Variants in ERC2 observed in about 807,000 individuals in gnomAD.
ERC2 encodes the protein ELKS/RAB6-interacting/CAST family member 2, also known as ERC protein 2.
Under a neutral mutation model 114.8 loss-of-function variants are expected in ERC2, and 42 were observed. That is an observed-to-expected ratio of 0.37 (90% confidence interval 0.29 to 0.47). The LOEUF (loss-of-function observed/expected upper bound fraction) is 0.47, where lower values mean the gene tolerates loss of function less well. Among genes scored for constraint, ERC2 ranks in the 20% least tolerant of loss-of-function variants. The probability of loss-of-function intolerance (pLI) is 0.99; values close to 1 mark genes in which losing one functional copy is unlikely to be tolerated. For missense variants in ERC2, 939 were observed against 1,150.7 expected, an observed-to-expected ratio of 0.82 and a Z score of 2.66; for synonymous variants, 454 against 425.5, an observed-to-expected ratio of 1.07 and a Z score of -0.82.
At chr3:56,431,665 GA>G (rs2061794469) in intron 2 of ERC2, among the ~76,000 whole-genome samples, 2 of 152,104 alleles carry the variant, frequency 1.3e-5, no homozygotes, top group African/African-American at 4.8e-5. Flanking sequence ...CTTCCAAAAA[GA>G]GAAGACAGTT....
intron 13 of ERC2, among the ~76,000 whole-genome samples, chr3:55,925,866 G>GT (rs2065716979): frequency 6.6e-6 from 1 of 152,170 alleles, no homozygotes; most frequent in Non-Finnish European, 1.5e-5. Flanking sequence ...TGTTTTGCCT[G>GT]TAAAATACAC....
chr3:56,442,122 CA>C (rs1383989551), intron 1 of ERC2, among the ~76,000 whole-genome samples: 2 of 152,178 alleles, frequency 1.3e-5, no homozygotes, highest in Non-Finnish European at 2.9e-5. Flanking sequence ...CAACATATCC[CA>C]AAAGCCACCA....
At chr3:56,131,955 T>C (rs915023543) in intron 6 of ERC2, among the ~76,000 whole-genome samples, 2 of 152,248 alleles carry the variant, frequency 1.3e-5, no homozygotes, top group Admixed American at 1.3e-4. Context: ...CCCATAAATA[T>C]GTACAATTAT....
intron 17 of ERC2, among the ~76,000 whole-genome samples, chr3:55,577,207 G>A (rs2057029048): frequency 6.6e-6 from 1 of 151,834 alleles, no homozygotes; most frequent in Non-Finnish European, 1.5e-5. Flanking sequence ...TTTAAGACAG[G>A]TCTGCATTCC....
chr3:55,632,018 G>T (rs1231440746), intron 17 of ERC2, among the ~76,000 whole-genome samples: 1 of 152,204 alleles, frequency 6.6e-6, no homozygotes, highest in East Asian at 1.9e-4. Flanking sequence ...GCTAATAAAT[G>T]GAGGAACTGC....
intron 17 of ERC2, among the ~76,000 whole-genome samples, chr3:55,665,612 C>T (rs940235510): frequency 6.6e-5 from 10 of 152,120 alleles, no homozygotes; most frequent in Non-Finnish European, 1.3e-4. Context: ...TGCCACCAAA[C>T]CACCAGAAAC....
intron 4 of ERC2, among the ~76,000 whole-genome samples, chr3:56,171,692 CAACA>C (rs1453471040): frequency 6.6e-6 from 1 of 151,756 alleles, no homozygotes; most frequent in Admixed American, 6.6e-5. Flanking sequence ...ATGCTAAAAA[CAACA>C]AACTAGGATC....
rs370966696 is a variant in ERC2 at position 56,173,537 on chromosome 3, T to C, written c.1075-17A>G. ...GTGCAATTCCTGGGGAGGAACACGA[T>C]AGAAATAAGCCTGACGGTTCATCCT... On this transcript the variant is annotated splice_polypyrimidine_tract_variant and intron_variant, in intron 3 of 17. Transcript: ENST00000288221. 5 of 1,612,924 alleles carry C rather than the reference T, an allele frequency of 3.1e-6. No homozygotes were observed. Among genetic ancestry groups the C allele is most frequent in the East Asian group, 2.2e-5 (1 of 44,844 alleles).
intron 17 of ERC2, among the ~76,000 whole-genome samples, chr3:55,569,354 G>A (rs1190664578): frequency 6.6e-6 from 1 of 152,172 alleles, no homozygotes; most frequent in Non-Finnish European, 1.5e-5. Flanking sequence ...CATTCCGATG[G>A]CATGTTTAAG....
intron 4 of ERC2, among the ~76,000 whole-genome samples, chr3:56,160,128 G>A (rs964694788): frequency 5.9e-5 from 9 of 152,212 alleles, no homozygotes; most frequent in Admixed American, 1.3e-4. Context: ...GTGTATAAGC[G>A]TTTCCATTTC....
chr3:56,298,170 A>G (rs1335162396), intron 2 of ERC2, among the ~76,000 whole-genome samples: 2 of 152,200 alleles, frequency 1.3e-5, no homozygotes, highest in African/African-American at 4.8e-5. Context: ...TTTAGCAGTC[A>G]TTCCCCATCT....
intron 6 of ERC2, among the ~76,000 whole-genome samples, chr3:56,133,075 C>A (rs2080298271): frequency 6.6e-6 from 1 of 152,280 alleles, no homozygotes; most frequent in East Asian, 1.9e-4. Flanking sequence ...GCCTAGAAAG[C>A]ATTCTTGAAA....
chr3:56,075,069 C>A lies in ERC2; in HGVS notation c.1641+5748G>T, dbSNP rs573777482. Among the ~76,000 whole-genome samples, 5 of 152,268 alleles carry A rather than the reference C, an allele frequency of 3.3e-5. No individual in the cohort carries two copies. The South Asian group carries it at 1.0e-3, about 32-fold the overall frequency. On this transcript the variant is annotated intron_variant, in intron 7 of 17. Coordinates refer to ENST00000288221, the MANE Select transcript of ERC2 (RefSeq NM_015576.3). Reference sequence around the variant, plus strand: ...CATTCACCAAAGGGATGCATAATTCCAAACTGAACCAAGAAATAGTTCTCT... The same window carrying A: ...CATTCACCAAAGGGATGCATAATTCAAAACTGAACCAAGAAATAGTTCTCT...
intron 3 of ERC2, among the ~76,000 whole-genome samples, chr3:56,224,737 TA>T (rs1235510175): frequency 6.6e-6 from 1 of 152,162 alleles, no homozygotes; most frequent in Non-Finnish European, 1.5e-5. Context: ...GTATTCTACA[TA>T]CAGACAACTG....
At chr3:55,518,232 T>C (rs780426091) in intron 17 of ERC2, among the ~76,000 whole-genome samples, 2 of 152,228 alleles carry the variant, frequency 1.3e-5, no homozygotes, top group African/African-American at 2.4e-5. Flanking sequence ...TGTGCTGTTT[T>C]AAGCAGTGAT....
Position 56,326,975 on chromosome 3 carries a change from T to C in ERC2, c.658-30540A>G, listed in dbSNP as rs1408675918. On this transcript the variant is annotated intron_variant, in intron 2 of 17. Coordinates refer to ENST00000288221, the MANE Select transcript of ERC2 (RefSeq NM_015576.3). ...TCTGGATTCCACTTATATTAAGAGCTCAAGTACTTTCCCACAGATGTTCCA... is the reference window on the plus strand; with the variant it reads ...TCTGGATTCCACTTATATTAAGAGCCCAAGTACTTTCCCACAGATGTTCCA... Among the ~76,000 whole-genome samples, 7 of 152,164 alleles carry C rather than the reference T, an allele frequency of 4.6e-5. No individual in the cohort carries two copies. The South Asian group carries it at 1.5e-3, about 32-fold the overall frequency.
Position 56,371,057 on chromosome 3 carries a change from G to A in ERC2, c.657+63294C>T, listed in dbSNP as rs1016695014. ...CCATGATTGAAATATAGTTTACTAC[G>A]GAGACATCTGGATAATTTCTGAGAA... On this transcript the variant is annotated intron_variant, in intron 2 of 17. Transcript: ENST00000288221. 8.5e-5 allele frequency among the ~76,000 whole-genome samples: 13 copies of A among 152,144 alleles called. No individual in the cohort carries two copies. The East Asian group carries it at 1.7e-3, about 20-fold the overall frequency.
chr3:56,343,523 C>A (rs938039655), intron 2 of ERC2, among the ~76,000 whole-genome samples: 1 of 151,990 alleles, frequency 6.6e-6, no homozygotes, highest in Non-Finnish European at 1.5e-5. Context: ...AAGGCTGAAG[C>A]AGGAGGATCT....
intron 2 of ERC2, among the ~76,000 whole-genome samples, chr3:56,321,399 CAAAAT>C (rs146986527): frequency 1.4e-3 from 216 of 151,908 alleles, no homozygotes; most frequent in African/African-American, 5.1e-3. Flanking sequence ...AAATAAGTAA[CAAAAT>C]AAAATGGTAG....
Sources: allele counts gnomAD v4.1 joint callset (sites outside exome capture counted in the v4.1 genomes callset), GRCh38; gene constraint gnomAD v4.1.1; transcripts MANE v1.5; gene names NCBI Gene and HGNC (gene_info 2026-07-23, HGNC 2026-07-21).